The following MKX variants were observed in gnomAD, a reference collection of about 807,000 sequenced individuals.
MKX encodes mohawk homeobox.
A neutral mutation model predicts 36.0 loss-of-function variants in MKX; 13 were observed. The observed-to-expected ratio is 0.36, with a 90% CI of 0.24 to 0.57. The LOEUF is 0.57. Ranked by LOEUF, MKX falls within the 20% of genes least tolerant of loss-of-function variation. MKX has a pLI of 0.79. For synonymous variants in MKX, 176 were observed against 178.3 expected (o/e 0.99, Z 0.10); for missense variants, 458 against 456.4 (o/e 1.00, Z -0.03).
At position 27,743,216 on chromosome 10, in the gene MKX, G is replaced by A; in HGVS notation, c.188+12C>T. ...CCGCAGGCGGGCAGGGCCCCCAGGG[G>A]AGTGCGCATACCCGGTCCTCCGGTG... On this transcript the variant is annotated intron_variant, in intron 2 of 6. Transcript: ENST00000419761. The A allele has an allele frequency of 6.8e-6, 10 of 1,474,040 alleles. No homozygotes were observed. Among genetic ancestry groups the A allele is most frequent in the Non-Finnish European group, 8.9e-6 (10 of 1,117,344 alleles). The allele number at this position is 1,474,040 out of a possible 1,614,324, so 91.3% of individuals were successfully genotyped here. A position where few individuals can be genotyped will look rare whatever the true frequency, so the allele number is the denominator to read the frequency against.
chr10:27,690,828 T>C (rs1332365299), intron 5 of MKX, among the ~76,000 whole-genome samples: 1 of 152,198 alleles, frequency 6.6e-6, no homozygotes, highest in African/African-American at 2.4e-5. Flanking sequence ...GCCTGTGTCC[T>C]CAAATCTCAT....
chr10:27,743,372 A>C lies in MKX; in HGVS notation c.44T>G (p.Phe15Cys), dbSNP rs1193901320. The change falls in exon 2 of 7, where the codon TTT becomes TGT. Residue 15 changes from phenylalanine to cysteine, a missense_variant. Phe to Cys is a radical substitution (Grantham distance 205). Transcript: ENST00000419761. ...CCGCTCCGAGGCGCCTCCGTCCTCA[A>C]ACAGCACCGCACCGCTGAGCTTGTT... The part of the protein sequence containing the change: ...VFNKLSGAVL[F>C]EDGGASERER... The C allele has an allele frequency of 6.3e-7, 1 of 1,576,460 alleles. No homozygotes were observed. The highest frequency in any genetic ancestry group is 8.6e-7 in the Non-Finnish European group (1 of 1,163,652).
intron 5 of MKX, among the ~76,000 whole-genome samples, chr10:27,728,400 T>C (rs1834541904): frequency 6.6e-6 from 1 of 152,226 alleles, no homozygotes; most frequent in Non-Finnish European, 1.5e-5. Context: ...GGGGGAATAT[T>C]CACTGCTCAA....
chr10:27,694,527 A>AAAAAAAAATAT (rs547670335), intron 5 of MKX, among the ~76,000 whole-genome samples: 2 of 114,344 alleles, frequency 1.7e-5, no homozygotes, highest in African/African-American at 6.7e-5. Context: ...AAAAAAAAAA[A>AAAAAAAAATAT]ATATATATAT....
intron 5 of MKX, among the ~76,000 whole-genome samples, chr10:27,688,253 G>T (rs960470569): frequency 6.6e-6 from 1 of 151,672 alleles, no homozygotes; most frequent in Non-Finnish European, 1.5e-5. Context: ...CTAGAAAATG[G>T]AATTAAATGC....
intron 5 of MKX, among the ~76,000 whole-genome samples, chr10:27,705,262 T>C (rs1453323916): frequency 2.6e-5 from 4 of 151,808 alleles, no homozygotes; most frequent in African/African-American, 9.7e-5. Context: ...AAAAAAAGAA[T>C]GTGAATACTC....
rs932328405 is a variant in MKX, at chr10:27,679,673, T to C, written c.839-4119A>G. On this transcript the variant is annotated intron_variant, in intron 5 of 6. Transcript: ENST00000419761. ...TCTAAAGATCTGGGAGTCTGGGGAG[T>C]TGTTTCTTTTTTTTCTATTTGTTGT... Among the ~76,000 whole-genome samples the C allele has an allele frequency of 2.0e-5, 3 of 151,890 alleles. 1 individual carries two copies. The highest frequency in any genetic ancestry group is 7.3e-5 in the African/African-American group (3 of 41,358).
intron 5 of MKX, among the ~76,000 whole-genome samples, chr10:27,709,047 T>C (rs1836807748): frequency 6.6e-6 from 1 of 151,994 alleles, no homozygotes; most frequent in African/African-American, 2.4e-5. Flanking sequence ...TGGCTGCCTG[T>C]AATCCCAGCT....
intron 5 of MKX, among the ~76,000 whole-genome samples, chr10:27,709,180 G>GGAAA (rs1564355599): frequency 1.3e-5 from 2 of 151,654 alleles, no homozygotes; most frequent in African/African-American, 4.8e-5. Context: ...AAAGAAAAAA[G>GGAAA]TAAATAAATA....
chr10:27,719,749 C>T (rs1360565268), intron 5 of MKX, among the ~76,000 whole-genome samples: 1 of 152,040 alleles, frequency 6.6e-6, no homozygotes. Flanking sequence ...CTTTGGAAGA[C>T]CAAGGTAGCA....
At chr10:27,696,771 C>T (rs1219378508) in intron 5 of MKX, among the ~76,000 whole-genome samples, 3 of 152,044 alleles carry the variant, frequency 2.0e-5, no homozygotes, top group Non-Finnish European at 1.5e-5. Flanking sequence ...ACGTATATCA[C>T]CCACTCAATC....
At chr10:27,678,253 T>C (rs980947314) in intron 5 of MKX, among the ~76,000 whole-genome samples, 2 of 152,094 alleles carry the variant, frequency 1.3e-5, no homozygotes, top group African/African-American at 4.8e-5. Context: ...AGGCTTTCGT[T>C]TGGGAGAAGG....
At chr10:27,733,906 G>C (rs576221385) in intron 5 of MKX, among the ~76,000 whole-genome samples, 10 of 152,162 alleles carry the variant, frequency 6.6e-5, no homozygotes, top group Non-Finnish European at 1.0e-4. Context: ...AATTTCCAGA[G>C]CAATGGAAGC....
In MKX at chr10:27,711,499, T is replaced by TCTCCCTTCCTTCCTTCC. The variant is rs1554772224; in HGVS notation, c.838+22956_838+22957insGGAAGGAAGGAAGGGAG. ...TCTTTCTTTCTCTCTCTCTCTCTTC[T>TCTCCCTTCCTTCCTTCC]TTCCTTCCTTCCTTCCTTCCTTCCT... On this transcript the variant is annotated intron_variant, in intron 5 of 6. Transcript: ENST00000419761. Among the ~76,000 whole-genome samples the TCTCCCTTCCTTCCTTCC allele has an allele frequency of 2.0e-3, 185 of 93,068 alleles. 7 individuals are homozygous for TCTCCCTTCCTTCCTTCC. The highest frequency in any genetic ancestry group is 9.1e-3 in the African/African-American group (175 of 19,306). The allele number at this position is 93,068 out of a possible 152,430, so 61.1% of individuals were successfully genotyped here. A position where few individuals can be genotyped will look rare whatever the true frequency, so the allele number is the denominator to read the frequency against.
intron 5 of MKX, among the ~76,000 whole-genome samples, chr10:27,687,318 T>C (rs977030862): frequency 2.6e-5 from 4 of 152,200 alleles, no homozygotes; most frequent in African/African-American, 9.7e-5. Context: ...CTTCTCTATT[T>C]TGAACCAACA....
At position 27,675,207 on chromosome 10, in the gene MKX, G is replaced by T; in HGVS notation, c.*22C>A. The T allele has an allele frequency of 6.2e-7, 1 of 1,605,882 alleles. No homozygotes were observed. The highest frequency in any genetic ancestry group is 8.5e-7 in the Non-Finnish European group (1 of 1,175,212). ...GAAAACACCGGAAAGAACATCCATTGGATCTGAAAAGCAACAAGCTCTTAA... is the reference window on the plus strand; with the variant it reads ...GAAAACACCGGAAAGAACATCCATTTGATCTGAAAAGCAACAAGCTCTTAA... On this transcript the variant is annotated 3_prime_UTR_variant, in exon 7 of 7. Coordinates refer to ENST00000419761, the MANE Select transcript of MKX (RefSeq NM_173576.3).
At position 27,675,364 on chromosome 10, in the gene MKX, G is replaced by C; in HGVS notation, c.924C>G (p.Ile308Met). 6.2e-7 allele frequency: 1 copy of C among 1,614,178 alleles called. No individual in the cohort carries two copies. The highest frequency in any genetic ancestry group is 8.5e-7 in the Non-Finnish European group (1 of 1,180,036). The change falls in exon 7 of 7, where the codon ATC becomes ATG. Residue 308 changes from isoleucine (I) to methionine (M), a missense_variant. Physicochemically the swap from Ile to Met is conservative, Grantham distance 10. Coordinates refer to ENST00000419761, the MANE Select transcript of MKX (RefSeq NM_173576.3). The part of the protein sequence containing the change: ...PSKDDTYWKE[I>M]NAAMALTNLA... ...GATTTGTTAAGGCCATAGCTGCGTT[G>C]ATCTCCTTCCAATACGTGTCATCCT...
chr10:27,710,669 G>T (rs1223597267), intron 5 of MKX, among the ~76,000 whole-genome samples: 1 of 151,860 alleles, frequency 6.6e-6, no homozygotes, highest in Non-Finnish European at 1.5e-5. Context: ...TTTATTTATT[G>T]ATTGATTGAG....
At position 27,743,227 on chromosome 10, in the gene MKX, C is replaced by T; in HGVS notation, c.188+1G>A. On this transcript the variant is annotated splice_donor_variant, in intron 2 of 6. Transcript: ENST00000419761. LOFTEE classifies it high-confidence loss of function. ...CAGGGCCCCCAGGGGAGTGCGCATA[C>T]CCGGTCCTCCGGTGTCTCAGGCCGA... The T allele has an allele frequency of 6.7e-7, 1 of 1,500,416 alleles. No individual in the cohort carries two copies. Among genetic ancestry groups the T allele is most frequent in the Non-Finnish European group, 8.8e-7 (1 of 1,131,348 alleles). The allele number at this position is 1,500,416 out of a possible 1,614,324, so 92.9% of individuals were successfully genotyped here.
Sources: allele counts gnomAD v4.1 joint callset (sites outside exome capture counted in the v4.1 genomes callset), GRCh38; gene constraint gnomAD v4.1.1; transcripts MANE v1.5; gene names NCBI Gene and HGNC (gene_info 2026-07-23, HGNC 2026-07-21).